The following TENM2 variants were observed in gnomAD, a reference collection of about 807,000 sequenced individuals.
TENM2 encodes the protein teneurin transmembrane protein 2.
In TENM2, 52 loss-of-function variants were observed where a neutral mutation model predicts 245.2. The observed-to-expected ratio is 0.21, with a 90% CI of 0.17 to 0.27. The LOEUF (loss-of-function observed/expected upper bound fraction) is 0.27. Ranked by LOEUF, TENM2 falls within the 10% of genes least tolerant of loss-of-function variation. The pLI is 1.00. For missense variants in TENM2, 3,046 were observed against 3,666.8 expected (o/e 0.83, Z 4.37); for synonymous variants, 1,363 against 1,438.9 (o/e 0.95, Z 1.19).
At chr5:167,749,502 G>A (rs767790269) in intron 2 of TENM2, among the ~76,000 whole-genome samples, 1 of 152,016 alleles carries the variant, frequency 6.6e-6, no homozygotes, top group African/African-American at 2.4e-5. Context: ...GCCGGGTGTG[G>A]TGGTGGGCAC....
chr5:167,077,979 T>C, the TENM2 span, among the ~76,000 whole-genome samples: 2 of 151,926 alleles, frequency 1.3e-5, no homozygotes, highest in Non-Finnish European at 2.9e-5. Flanking sequence ...TTTAACTAGG[T>C]GTTGAGAAAA....
Position 167,426,936 on chromosome 5 carries a change from A to G in TENM2, c.502+51463A>G, listed in dbSNP as rs76707879. Among the ~76,000 whole-genome samples, 946 of 152,338 alleles carry G rather than the reference A, an allele frequency of 6.2e-3. 4 individuals carry two copies. Among genetic ancestry groups the G allele is most frequent in the African/African-American group, 0.022 (906 of 41,574 alleles). ...ATAAATAGCTTGTCCTTTCAAGATC[A>G]TAGAATAAAAACTACAAGGACAGAT... On this transcript the variant is annotated intron_variant, in intron 2 of 28. Transcript: ENST00000518659.
At chr5:167,599,188 A>T (rs1187362254) in intron 2 of TENM2, among the ~76,000 whole-genome samples, 1 of 152,194 alleles carries the variant, frequency 6.6e-6, no homozygotes, top group Non-Finnish European at 1.5e-5. Flanking sequence ...TCAGCAGTTT[A>T]AGGTAGGGCT....
chr5:167,593,437 C>G (rs7707806), intron 2 of TENM2, among the ~76,000 whole-genome samples: 11,114 of 152,202 alleles, frequency 0.073, 860 homozygotes, highest in African/African-American at 0.19. Context: ...AACATAAATT[C>G]TGCCTTTCCC....
At chr5:167,690,403 G>C (rs1757348882) in intron 2 of TENM2, among the ~76,000 whole-genome samples, 1 of 151,748 alleles carries the variant, frequency 6.6e-6, no homozygotes, top group Non-Finnish European at 1.5e-5. Flanking sequence ...TTCTTGAGTT[G>C]GTATACAGAG....
At chr5:168,108,098 C>G (rs1361804023) in intron 9 of TENM2, among the ~76,000 whole-genome samples, 6 of 152,162 alleles carry the variant, frequency 3.9e-5, no homozygotes, top group Admixed American at 2.6e-4. Flanking sequence ...GAAAATGTCA[C>G]AAGAACCAAA....
the TENM2 span, among the ~76,000 whole-genome samples, chr5:167,114,315 T>C: frequency 2.0e-5 from 3 of 152,228 alleles, no homozygotes; most frequent in Non-Finnish European, 2.9e-5. Context: ...TTTAAATTAT[T>C]GCTTCATTTT....
chr5:167,559,182 T>C (rs1773435648), intron 2 of TENM2, among the ~76,000 whole-genome samples: 1 of 152,154 alleles, frequency 6.6e-6, no homozygotes, highest in South Asian at 2.1e-4. Flanking sequence ...AATATGGCAG[T>C]AGTTGGTTGG....
rs936260583 is a variant in TENM2, at chr5:168,010,122, G to A, written c.1186+16940G>A. On this transcript the variant is annotated intron_variant, in intron 5 of 28. Transcript: ENST00000518659. ...AGAATTAATTTTGGAGTGCATTCCC[G>A]ACAAGTCTATAGTTCAACATACATA... 2.6e-5 allele frequency among the ~76,000 whole-genome samples: 4 copies of A among 152,162 alleles called. No homozygotes were observed. In the South Asian group the frequency reaches 8.3e-4, roughly 32 times the overall value.
the TENM2 span, among the ~76,000 whole-genome samples, chr5:167,274,751 G>T: frequency 6.6e-6 from 1 of 151,286 alleles, no homozygotes; most frequent in Non-Finnish European, 1.5e-5. Flanking sequence ...ATTTTTCATG[G>T]CTAATGATGA....
At chr5:167,693,526 A>C (rs927741331) in intron 2 of TENM2, among the ~76,000 whole-genome samples, 4 of 150,058 alleles carry the variant, frequency 2.7e-5, no homozygotes, top group African/African-American at 9.8e-5. Context: ...GAATAGTCTC[A>C]TTGGATAAAC....
the TENM2 span, among the ~76,000 whole-genome samples, chr5:167,258,097 GT>G: frequency 6.6e-6 from 1 of 151,282 alleles, no homozygotes; most frequent in Admixed American, 6.6e-5. Flanking sequence ...GAACATAAAT[GT>G]TTTTCAAACC....
chr5:166,985,762 G>T, the TENM2 span, among the ~76,000 whole-genome samples: 1 of 152,002 alleles, frequency 6.6e-6, no homozygotes, highest in Non-Finnish European at 1.5e-5. Flanking sequence ...GTCTAGAGGA[G>T]GCTCCAAGAA....
the TENM2 span, among the ~76,000 whole-genome samples, chr5:167,229,632 G>C: frequency 6.6e-6 from 1 of 152,160 alleles, no homozygotes; most frequent in South Asian, 2.1e-4. Flanking sequence ...GAGCCCAAGG[G>C]AAGTTTCAGA....
chr5:167,084,330 TATATA>T, the TENM2 span, among the ~76,000 whole-genome samples: 1 of 60,606 alleles, frequency 1.7e-5, no homozygotes, highest in Non-Finnish European at 3.0e-5. Context: ...ATTTTAGTTA[TATATA>T]TATATATATA....
At chr5:167,038,536 T>C in the TENM2 span, among the ~76,000 whole-genome samples, 1 of 152,204 alleles carries the variant, frequency 6.6e-6, no homozygotes, top group African/African-American at 2.4e-5. Context: ...ATTTTAATTA[T>C]TGAACAAGAG....
the TENM2 span, among the ~76,000 whole-genome samples, chr5:167,063,193 G>A: frequency 1.3e-5 from 2 of 152,124 alleles, no homozygotes; most frequent in South Asian, 2.1e-4. Flanking sequence ...GGAGCCACGT[G>A]TTGACTCTCC....
intron 2 of TENM2, among the ~76,000 whole-genome samples, chr5:167,429,101 A>G (rs1764050530): frequency 6.6e-6 from 1 of 152,184 alleles, no homozygotes. Flanking sequence ...TGATATAAAT[A>G]TCTTTTAAAG....
At chr5:167,865,670 T>C (rs766742083) in intron 2 of TENM2, among the ~76,000 whole-genome samples, 1 of 152,186 alleles carries the variant, frequency 6.6e-6, no homozygotes, top group Non-Finnish European at 1.5e-5. Flanking sequence ...CTTGCTTCTC[T>C]TGGAGACTGA....
Sources: allele counts gnomAD v4.1 joint callset (sites outside exome capture counted in the v4.1 genomes callset), GRCh38; gene constraint gnomAD v4.1.1; transcripts MANE v1.5; gene names NCBI Gene and HGNC (gene_info 2026-07-23, HGNC 2026-07-21).